Variants in WASHC2C observed in about 807,000 individuals in gnomAD.
WASHC2C encodes Vaccinia Penetration Factor.
In WASHC2C, 73 loss-of-function variants were observed where a neutral mutation model predicts 142.2. That is an observed-to-expected ratio of 0.51 (90% CI 0.43 to 0.62). WASHC2C has a LOEUF of 0.62. Ranked by LOEUF, WASHC2C falls within the 20% of genes least tolerant of loss-of-function variation. The probability of loss-of-function intolerance (pLI) is 0.00; values close to 1 mark genes in which losing one functional copy is unlikely to be tolerated. For missense variants in WASHC2C, 969 were observed against 1,531.7 expected (o/e 0.63, Z 6.13); for synonymous variants, 337 against 565.5 (o/e 0.60, Z 5.73).
At chr10:45,770,932 T>A (rs2056520357) in intron 20 of WASHC2C, among the ~76,000 whole-genome samples, 1 of 152,182 alleles carries the variant, frequency 6.6e-6, no homozygotes, top group African/African-American at 2.4e-5. Context: ...GCTGGCACAT[T>A]CTGAGCCCTC....
At chr10:45,781,149 G>C (rs2057472649) in intron 23 of WASHC2C, among the ~76,000 whole-genome samples, 1 of 151,744 alleles carries the variant, frequency 6.6e-6, no homozygotes, top group East Asian at 1.9e-4. Context: ...AAAATACTTA[G>C]GAGTAAATTT....
intron 20 of WASHC2C, among the ~76,000 whole-genome samples, chr10:45,772,906 G>A (rs1232509690): frequency 4.6e-5 from 7 of 152,072 alleles, no homozygotes; most frequent in Non-Finnish European, 8.8e-5. Context: ...AGGCACGTCC[G>A]CTTTGATTCT....
In WASHC2C at chr10:45,792,663, T is replaced by TA. The variant is rs2058448778; in HGVS notation, c.*263_*264insA. 1 of 539,086 alleles carries TA rather than the reference T, an allele frequency of 1.9e-6. No individual in the cohort carries two copies. Among genetic ancestry groups the TA allele is most frequent in the Non-Finnish European group, 3.4e-6 (1 of 290,142 alleles). 33.4% of individuals were successfully genotyped at this position (539,086 alleles called of 1,614,324 possible). A position where few individuals can be genotyped will look rare whatever the true frequency, so the allele number is the denominator to read the frequency against. The stretch of plus-strand genomic sequence containing the variant: ...AGTTAGCCTTGCTGGGGCCATAATA[T>TA]GCTTCAGGGTGTGTAAAAGAAGAAA... On this transcript the variant is annotated 3_prime_UTR_variant, in exon 31 of 31. Transcript: ENST00000623400.
At chr10:45,757,998 TG>T (rs2054537102) in intron 16 of WASHC2C, among the ~76,000 whole-genome samples, 2 of 152,274 alleles carry the variant, frequency 1.3e-5, no homozygotes, top group South Asian at 4.1e-4. Context: ...ATTCGGACAG[TG>T]TGTCTGCATT....
At position 45,785,749 on chromosome 10, in the gene WASHC2C, G is replaced by A. The variant is rs184613115; in HGVS notation, c.2811+118G>A. On this transcript the variant is annotated intron_variant, in intron 26 of 30. Transcript: ENST00000623400. ...TGCATTAAGGAGGAAACAGCAACCA[G>A]GGCTACAGCTTTGTCTTCACTGCAC... The A allele has an allele frequency of 8.7e-5, 138 of 1,588,572 alleles. No homozygotes were observed. In the African/African-American group the frequency reaches 1.6e-3, roughly 18 times the overall value.
At chr10:45,764,506 A>G (rs1396279754) in intron 18 of WASHC2C, among the ~76,000 whole-genome samples, 1 of 149,926 alleles carries the variant, frequency 6.7e-6, no homozygotes, top group African/African-American at 2.5e-5. Flanking sequence ...TGGAGATACA[A>G]AGGAGGAGGC....
At chr10:45,773,954 A>G (rs1336391645) in intron 21 of WASHC2C, among the ~76,000 whole-genome samples, 4 of 149,666 alleles carry the variant, frequency 2.7e-5, no homozygotes, top group African/African-American at 9.8e-5. Context: ...AAACTTTACA[A>G]AACAAGAAAT....
chr10:45,741,088 C>T (rs1449713772), intron 5 of WASHC2C, among the ~76,000 whole-genome samples: 1 of 151,936 alleles, frequency 6.6e-6, no homozygotes, highest in East Asian at 1.9e-4. Flanking sequence ...GCTGGGATTA[C>T]AGGCGCCCAC....
intron 8 of WASHC2C, among the ~76,000 whole-genome samples, chr10:45,748,749 CA>C (rs2053165743): frequency 6.6e-6 from 1 of 151,800 alleles, no homozygotes; most frequent in South Asian, 2.1e-4. Flanking sequence ...TTGATTCAAA[CA>C]TTGAAAAAAA....
At chr10:45,747,083 T>C (rs1294942851) in intron 8 of WASHC2C, among the ~76,000 whole-genome samples, 1 of 152,264 alleles carries the variant, frequency 6.6e-6, no homozygotes, top group Non-Finnish European at 1.5e-5. Context: ...CTTTTCATAG[T>C]GTGCATCGTT....
chr10:45,751,716 A>G (rs2053610671), intron 11 of WASHC2C, among the ~76,000 whole-genome samples, 163 bp downstream of exon 11: 2 of 152,202 alleles, frequency 1.3e-5, no homozygotes, highest in African/African-American at 2.4e-5. Context: ...GGTGGCTCAC[A>G]CATGTAATCC....
chr10:45,763,848 C>A (rs1462017326), intron 18 of WASHC2C, among the ~76,000 whole-genome samples: 3 of 151,796 alleles, frequency 2.0e-5, no homozygotes, highest in Non-Finnish European at 2.9e-5. Flanking sequence ...ACTACAGGTA[C>A]GCACCACCAC....
rs377115229 is a variant in WASHC2C at position 45,752,639 on chromosome 10, C to T, written c.1055C>T (p.Ser352Leu). Residue 352 changes from serine to leucine, a missense_variant, in exon 12 of 31, where the codon TCG becomes TTG. Coordinates refer to ENST00000623400, the MANE Select transcript of WASHC2C (RefSeq NM_001330074.2). ...APPKLTDEDF[S>L]PFGSGGGLFS... ...CCCAAGCTGACCGACGAGGACTTCT[C>T]GCCATTTGGCTCTGGAGGTGGCCTG... The T allele has an allele frequency of 2.2e-5, 36 of 1,609,728 alleles. No individual in the cohort carries two copies. Among genetic ancestry groups the T allele is most frequent in the African/African-American group, 1.8e-4 (13 of 74,008 alleles).
upstream of WASHC2C, chr10:45,727,092 C>G (rs985075726): frequency 8.5e-5 from 115 of 1,356,838 alleles, no homozygotes; most frequent in Admixed American, 1.0e-4. Context: ...CTCCAGCTTC[C>G]TCCGCCCCAA....
chr10:45,784,379 G>C (rs534205906), intron 23 of WASHC2C, among the ~76,000 whole-genome samples, 186 bp from the exon 24 acceptor site: 1 of 140,088 alleles, frequency 7.1e-6, no homozygotes, highest in African/African-American at 2.6e-5. Context: ...TTTTGGAAGC[G>C]CCATAGCATT....
At chr10:45,764,535 G>C (rs1241294548) in intron 18 of WASHC2C, among the ~76,000 whole-genome samples, 1 of 149,570 alleles carries the variant, frequency 6.7e-6, no homozygotes, top group Non-Finnish European at 1.5e-5. Context: ...CCTGACCATT[G>C]TCTTTCTTTC....
At chr10:45,772,716 A>T (rs1220701633) in intron 20 of WASHC2C, among the ~76,000 whole-genome samples, 20 of 152,182 alleles carry the variant, frequency 1.3e-4, no homozygotes, top group African/African-American at 4.6e-4. Context: ...ACCCTGTCTT[A>T]AAAAGTAAAA....
At chr10:45,791,241 GTA>G (rs2058376904) in intron 30 of WASHC2C, among the ~76,000 whole-genome samples, 1 of 152,134 alleles carries the variant, frequency 6.6e-6, no homozygotes, top group Non-Finnish European at 1.5e-5. Context: ...CCAGCAAGCC[GTA>G]TGCTCTGTCT....
chr10:45,771,417 A>G (rs576073813), intron 20 of WASHC2C: 1 of 983,858 alleles, frequency 1.0e-6, no homozygotes, highest in Non-Finnish European at 1.2e-6. Flanking sequence ...GACAAGAAAG[A>G]GAAGAAATAG....
Sources: gnomAD v4.1 joint callset for allele counts (sites outside exome capture counted in the v4.1 genomes callset) on GRCh38, gnomAD v4.1.1 for gene constraint, MANE v1.5 for transcripts, NCBI Gene and HGNC (gene_info 2026-07-23, HGNC 2026-07-21) for gene names.